Variants in CFAP43 observed in about 807,000 individuals in gnomAD.
CFAP43 encodes the protein cilia and flagella associated protein 43.
CFAP43 carries 155 observed loss-of-function variants against 218.9 expected under a neutral mutation model. That is an observed-to-expected ratio of 0.71 (90% CI 0.62 to 0.81). The LOEUF (loss-of-function observed/expected upper bound fraction) is 0.81, where lower values mean the gene tolerates loss of function less well. Among genes scored for constraint, CFAP43 ranks in the 30% least tolerant of loss-of-function variants. CFAP43 has a pLI of 0.00. For missense variants in CFAP43, 1,778 were observed against 1,954.3 expected (o/e 0.91, Z 1.70); for synonymous variants, 645 against 681.3 (o/e 0.95, Z 0.83).
At chr10:104,216,134 G>A (rs962354805) in intron 3 of CFAP43, among the ~76,000 whole-genome samples, 2 of 151,834 alleles carry the variant, frequency 1.3e-5, no homozygotes, top group Admixed American at 1.3e-4. Context: ...TAAAGTCACC[G>A]CCATGGCTTC....
At chr10:104,153,465 TC>T (rs1241953618) in intron 27 of CFAP43, among the ~76,000 whole-genome samples, 6 of 152,210 alleles carry the variant, frequency 3.9e-5, no homozygotes, top group African/African-American at 1.4e-4. Context: ...TATCCCATTC[TC>T]CATGTTGTGA....
At chr10:104,141,106 G>T in intron 33 of CFAP43, 105 bp from the exon 34 acceptor site, 1 of 1,147,100 alleles carries the variant, frequency 8.7e-7, no homozygotes, top group Non-Finnish European at 1.2e-6. Context: ...ACATGCTGGA[G>T]ATTAGTGTGG....
chr10:104,186,001 A>C lies in CFAP43; in HGVS notation c.1983T>G (p.Ile661Met). ...LWLITIAKCG[I>M]LCIRDVYTLE... ...AAGTATAAACGTCTCGGATACACAG[A>C]ATTCCACATTTAGCTATTGTTATGA... Residue 661 changes from isoleucine (I) to methionine (M), a missense_variant, in exon 15 of 38, where the codon ATT becomes ATG. Ile to Met is a conservative substitution (Grantham distance 10). Around this residue, in one of 3 missense-constraint regions of CFAP43, gnomAD observed 1,553 missense variants for 1,685.2 expected, o/e 0.92. Coordinates refer to ENST00000357060, the MANE Select transcript of CFAP43 (RefSeq NM_025145.7). 2 of 1,612,140 alleles carry C rather than the reference A, an allele frequency of 1.2e-6. No homozygotes were observed. The highest frequency in any genetic ancestry group is 1.7e-6 in the Non-Finnish European group (2 of 1,179,526).
intron 3 of CFAP43, among the ~76,000 whole-genome samples, chr10:104,216,175 C>T (rs2091006560): frequency 6.6e-6 from 1 of 152,198 alleles, no homozygotes; most frequent in African/African-American, 2.4e-5. Context: ...CCCAGGATAC[C>T]TGCATCCTGT....
chr10:104,193,649 A>C, intron 11 of CFAP43: 2 of 511,074 alleles, frequency 3.9e-6, no homozygotes, highest in South Asian at 6.1e-5. Context: ...AGACATGAGA[A>C]ATTGGTACCA....
In CFAP43 at chr10:104,207,603, G is replaced by T. The variant is rs2090732580; in HGVS notation, c.895+62C>A. ...ATGTCTCCAAGAAAGAGAAAAATAG[G>T]GAAAACCAAAAAAACCAACACCCAT... On this transcript the variant is annotated intron_variant, in intron 6 of 37. Transcript: ENST00000357060. 6.0e-6 allele frequency: 9 copies of T among 1,506,384 alleles called. No individual in the cohort carries two copies. The East Asian group carries it at 2.1e-4, about 35-fold the overall frequency. The allele number at this position is 1,506,384 out of a possible 1,614,324, so 93.3% of individuals were successfully genotyped here.
At chr10:104,198,089 G>T in intron 8 of CFAP43, 51 bp from the exon 9 acceptor site, 1 of 1,100,458 alleles carries the variant, frequency 9.1e-7, no homozygotes, top group Non-Finnish European at 1.4e-6. Context: ...TGTGTATATA[G>T]TTCAACAAAT....
chr10:104,133,796 T>C lies in CFAP43; in HGVS notation c.4432-12A>G, dbSNP rs1254604994. The C allele has an allele frequency of 6.9e-6, 11 of 1,589,510 alleles. No individual in the cohort carries two copies. The highest frequency in any genetic ancestry group is 9.4e-6 in the Non-Finnish European group (11 of 1,168,052). ...TTTTGTCCTTGAGTCTTTAAAAAAGTACATTAGATATCCATATAATATGAT... is the reference window on the plus strand; with the variant it reads ...TTTTGTCCTTGAGTCTTTAAAAAAGCACATTAGATATCCATATAATATGAT... On this transcript the variant is annotated splice_polypyrimidine_tract_variant and intron_variant, in intron 34 of 37. Coordinates refer to ENST00000357060, the MANE Select transcript of CFAP43 (RefSeq NM_025145.7).
chr10:104,150,343 T>G (rs2088191620), intron 28 of CFAP43, among the ~76,000 whole-genome samples: 1 of 152,094 alleles, frequency 6.6e-6, no homozygotes, highest in African/African-American at 2.4e-5. Context: ...TGGCCACAAC[T>G]CCCAAGAGCA....
At chr10:104,171,666 C>T (rs948152209) in intron 20 of CFAP43, among the ~76,000 whole-genome samples, 1 of 152,186 alleles carries the variant, frequency 6.6e-6, no homozygotes, top group Admixed American at 6.5e-5. Flanking sequence ...TTCAGAATAT[C>T]CTGTGTAAAA....
chr10:104,215,614 C>T (rs563522627), intron 3 of CFAP43, among the ~76,000 whole-genome samples: 3 of 152,260 alleles, frequency 2.0e-5, no homozygotes, highest in African/African-American at 7.2e-5. Context: ...GTGGTTGCCA[C>T]CCCCCACCAG....
rs77694672 is a variant in CFAP43, at chr10:104,192,141, A to T, written c.1546+58T>A. The stretch of plus-strand genomic sequence containing the variant: ...TTCAATATGAAAAGTCCATTTTCAT[A>T]ACCTTAAATTCTTTGAAATAATCAA... On this transcript the variant is annotated intron_variant, in intron 12 of 37. Coordinates refer to ENST00000357060, the MANE Select transcript of CFAP43 (RefSeq NM_025145.7). 2,133 of 1,321,308 alleles carry T rather than the reference A, an allele frequency of 1.6e-3. 26 individuals are homozygous for T. In the African/African-American group the frequency reaches 0.024, roughly 15 times the overall value. 81.8% of individuals were successfully genotyped at this position (1,321,308 alleles called of 1,614,324 possible).
intron 12 of CFAP43, 43 bp downstream of exon 12, chr10:104,192,156 G>T: frequency 1.4e-6 from 2 of 1,396,098 alleles, no homozygotes; most frequent in East Asian, 2.4e-5. Flanking sequence ...TAAATTCTTT[G>T]AAATAATCAA....
intron 7 of CFAP43, among the ~76,000 whole-genome samples, chr10:104,205,212 CAAAAAAAAAA>C (rs71022723): frequency 1.6e-4 from 9 of 56,572 alleles, no homozygotes; most frequent in African/African-American, 2.7e-4. Context: ...GACTCCGTCT[CAAAAAAAAAA>C]AAAAAAAAAA....
At chr10:104,218,973 G>A in intron 3 of CFAP43, 1 of 402,750 alleles carries the variant, frequency 2.5e-6, no homozygotes, top group Non-Finnish European at 4.8e-6. Flanking sequence ...GTGACAGAAG[G>A]AAACACATGT....
intron 27 of CFAP43, among the ~76,000 whole-genome samples, chr10:104,156,233 A>G (rs867263317): frequency 2.0e-5 from 3 of 152,194 alleles, no homozygotes; most frequent in African/African-American, 7.2e-5. Context: ...CCCATTGCTT[A>G]AAGAAGTCAA....
At chr10:104,138,690 A>G (rs1297882205) in intron 34 of CFAP43, among the ~76,000 whole-genome samples, 2 of 152,136 alleles carry the variant, frequency 1.3e-5, no homozygotes, top group Admixed American at 1.3e-4. Flanking sequence ...GAAAAAAAAA[A>G]AAAGAAAGAC....
chr10:104,167,494 C>T (rs1312213638), intron 22 of CFAP43, 127 bp downstream of exon 22: 2 of 605,274 alleles, frequency 3.3e-6, no homozygotes, highest in Non-Finnish European at 5.2e-6. Context: ...TACAAATTAA[C>T]AAGAAATAAA....
Position 104,192,260 on chromosome 10 carries a change from T to G in CFAP43, c.1485A>C (p.Glu495Asp), listed in dbSNP as rs1359823312. ...QGIFLLVGTA[E>D]GKVFIINANS... ...TGGCATTGATAATAAAGACTTTTCCTTCTGCTGTTCCAACTAACAGAAATA... is the reference window on the plus strand; with the variant it reads ...TGGCATTGATAATAAAGACTTTTCCGTCTGCTGTTCCAACTAACAGAAATA... The change falls in exon 12 of 38, where the codon GAA (glutamate) becomes GAC (aspartate). Residue 495 changes from glutamate (E) to aspartate (D), a missense_variant. Glu to Asp is a conservative substitution (Grantham distance 45). Coordinates refer to ENST00000357060, the MANE Select transcript of CFAP43 (RefSeq NM_025145.7). The G allele has an allele frequency of 6.2e-7, 1 of 1,613,210 alleles. No individual in the cohort carries two copies. The highest frequency in any genetic ancestry group is 2.2e-5 in the East Asian group (1 of 44,782).
Sources: gnomAD v4.1 joint callset for allele counts (sites outside exome capture counted in the v4.1 genomes callset) on GRCh38, gnomAD v4.1.1 for gene constraint, gnomAD v4.1.1 regional missense constraint, MANE v1.5 for transcripts, NCBI Gene and HGNC (gene_info 2026-07-23, HGNC 2026-07-21) for gene names.